The following KLHL4 variants were observed in gnomAD, a reference collection of about 807,000 sequenced individuals.
The protein encoded by KLHL4 is kelch like family member 4, also known as kelch-like protein 4.
Under a neutral mutation model 45.8 loss-of-function variants are expected in KLHL4, and 17 were observed. The ratio of observed to expected loss-of-function variants is 0.37; its 90% CI spans 0.25 to 0.56. KLHL4 has a LOEUF of 0.56. Among genes scored for constraint, KLHL4 ranks in the 20% least tolerant of loss-of-function variants. The probability of loss-of-function intolerance (pLI) is 0.79; values close to 1 mark genes in which losing one functional copy is unlikely to be tolerated. For missense variants in KLHL4, 544 were observed against 544.9 expected (o/e 1.00, Z 0.02); for synonymous variants, 224 against 189.9 (o/e 1.18, Z -1.47).
chrX:87,603,676 CATG>C (rs772330969), intron 1 of KLHL4, among the ~76,000 whole-genome samples: 13 of 110,334 alleles, frequency 1.2e-4, no homozygotes, highest in Middle Eastern at 4.7e-3. Flanking sequence ...CATTATTATG[CATG>C]ATATTTATAT....
chrX:87,627,851 T>C (rs1191773971), intron 6 of KLHL4, among the ~76,000 whole-genome samples: 5 of 111,935 alleles, frequency 4.5e-5, no homozygotes, highest in African/African-American at 1.6e-4. Flanking sequence ...TTGTTTTTTA[T>C]TTTTTATTTT....
At chrX:87,553,238 T>C (rs1931875185) in intron 1 of KLHL4, among the ~76,000 whole-genome samples, 1 of 111,112 alleles carries the variant, frequency 9.0e-6, no homozygotes, top group Non-Finnish European at 1.9e-5. Flanking sequence ...TAGAAATCAA[T>C]ACATTTACAT....
At chrX:87,653,870 A>G (rs761914720) in intron 9 of KLHL4, among the ~76,000 whole-genome samples, 204 of 111,731 alleles carry the variant, frequency 1.8e-3, no homozygotes, top group African/African-American at 6.0e-3. Flanking sequence ...TCAGCAAACT[A>G]ATGCAGGAAC....
rs1214994735 is a variant in KLHL4 at position 87,632,389 on chromosome X, A to G, written c.1504A>G (p.Ile502Val). 1 of 1,210,363 alleles carries G rather than the reference A, an allele frequency of 8.3e-7. No homozygotes were observed. Among genetic ancestry groups the G allele is most frequent in the Admixed American group, 2.2e-5 (1 of 46,000 alleles). Residue 502 changes from isoleucine (I) to valine (V), a missense_variant, in exon 7 of 11, where the codon ATC (isoleucine) becomes GTC (valine). Transcript: ENST00000373119. Reference sequence around the variant, plus strand: ...GGAATGTTTTAATCCAGTTGGCAAAATCTGGACTGTGATGCCTCCCATGTC... The same window carrying G: ...GGAATGTTTTAATCCAGTTGGCAAAGTCTGGACTGTGATGCCTCCCATGTC... Reference protein sequence around the residue: ...TVECFNPVGKIWTVMPPMSTH... With the variant: ...TVECFNPVGKVWTVMPPMSTH...
intron 9 of KLHL4, among the ~76,000 whole-genome samples, chrX:87,643,917 A>G (rs1451541639): frequency 2.7e-5 from 3 of 111,904 alleles, no homozygotes; most frequent in African/African-American, 9.7e-5. Flanking sequence ...AATAAAAACC[A>G]TCTATGACAA....
chrX:87,667,199 A>G lies in KLHL4; in HGVS notation c.*665A>G, dbSNP rs1924399595. On this transcript the variant is annotated 3_prime_UTR_variant, in exon 11 of 11. Transcript: ENST00000373119. ...ACACATATAAATTTGGTATTTCTTA[A>G]CATATTATCTTGTTAGATTTGTTAC... The G allele has an allele frequency of 1.4e-6, 1 of 739,031 alleles. No individual in the cohort carries two copies. The highest frequency in any genetic ancestry group is 1.6e-6 in the Non-Finnish European group (1 of 625,542). The allele number at this position is 739,031 out of a possible 1,213,427, so 60.9% of individuals were successfully genotyped here.
intron 1 of KLHL4, among the ~76,000 whole-genome samples, chrX:87,568,265 T>G (rs757381195): frequency 3.6e-5 from 4 of 109,875 alleles, no homozygotes; most frequent in South Asian, 7.7e-4. Flanking sequence ...TGGAAAGATA[T>G]CCTGTGTTCC....
chrX:87,561,781 C>T (rs1307386001), intron 1 of KLHL4, among the ~76,000 whole-genome samples: 1 of 109,131 alleles, frequency 9.2e-6, no homozygotes, highest in Non-Finnish European at 1.9e-5. Context: ...AAGTAGAGAA[C>T]TTTATCTTGC....
chrX:87,563,400 C>T (rs6652459), intron 1 of KLHL4, among the ~76,000 whole-genome samples: 2,456 of 109,048 alleles, frequency 0.023, 72 homozygotes, highest in African/African-American at 0.078. Flanking sequence ...CAAGATAACA[C>T]AGAGAAGAAA....
chrX:87,618,875 A>G (rs928169646), intron 4 of KLHL4, among the ~76,000 whole-genome samples: 3 of 112,108 alleles, frequency 2.7e-5, no homozygotes, highest in Non-Finnish European at 5.6e-5. Context: ...TTACAGCTCA[A>G]TTCATTAATG....
rs769547655 is a variant in KLHL4 at position 87,566,604 on chromosome X, G to A, written c.423-47273G>A. On this transcript the variant is annotated intron_variant, in intron 1 of 10. Transcript: ENST00000373119. The stretch of plus-strand genomic sequence containing the variant: ...AAATAAAATTGTTTTATGGATACTT[G>A]AAGTACAGTTGCTACTGAATATGTA... Among the ~76,000 whole-genome samples the A allele has an allele frequency of 1.8e-4, 20 of 111,505 alleles. No homozygotes were observed. The South Asian group carries it at 7.5e-3, about 42-fold the overall frequency.
At chrX:87,652,369 A>G (rs1031801813) in intron 9 of KLHL4, among the ~76,000 whole-genome samples, 16 of 112,459 alleles carry the variant, frequency 1.4e-4, no homozygotes, top group Non-Finnish European at 5.6e-5. Flanking sequence ...GAAATTTTCT[A>G]TCACATTGTC....
At chrX:87,590,117 TA>T (rs2147799803) in intron 1 of KLHL4, among the ~76,000 whole-genome samples, 1 of 110,689 alleles carries the variant, frequency 9.0e-6, no homozygotes, top group South Asian at 3.9e-4. Flanking sequence ...TTGTATATTT[TA>T]AAATAACATA....
chrX:87,595,800 A>T (rs1221667820), intron 1 of KLHL4, among the ~76,000 whole-genome samples: 1 of 111,619 alleles, frequency 9.0e-6, no homozygotes, highest in African/African-American at 3.3e-5. Context: ...GGTGAATAAT[A>T]GCTAATTATA....
intron 9 of KLHL4, among the ~76,000 whole-genome samples, chrX:87,647,583 C>A (rs1017399852): frequency 1.1e-4 from 12 of 111,796 alleles, no homozygotes; most frequent in Non-Finnish European, 2.1e-4. Context: ...GCATTCACAG[C>A]AACATGGATG....
intron 1 of KLHL4, among the ~76,000 whole-genome samples, chrX:87,548,932 C>T (rs1931747053): frequency 9.5e-6 from 1 of 105,401 alleles, no homozygotes; most frequent in African/African-American, 3.4e-5. Flanking sequence ...TCAATAATAA[C>T]ATTGAATGTA....
At chrX:87,576,689 C>T (rs1192442123) in intron 1 of KLHL4, among the ~76,000 whole-genome samples, 7 of 111,190 alleles carry the variant, frequency 6.3e-5, no homozygotes, top group African/African-American at 1.3e-4. Flanking sequence ...TATCCTGTTA[C>T]GAAATCTTTA....
chrX:87,637,507 G>C (rs932780281), intron 9 of KLHL4, among the ~76,000 whole-genome samples: 6 of 111,681 alleles, frequency 5.4e-5, no homozygotes, highest in Admixed American at 9.5e-5. Context: ...GCCAGAAAAA[G>C]AATTCAGAAG....
intron 1 of KLHL4, among the ~76,000 whole-genome samples, chrX:87,596,350 G>A (rs372530424): frequency 8.9e-6 from 1 of 111,863 alleles, no homozygotes; most frequent in African/African-American, 3.2e-5. Context: ...CTGGTTATTC[G>A]TAAATGTATG....
Sources: gnomAD v4.1 joint callset for allele counts (sites outside exome capture counted in the v4.1 genomes callset) on GRCh38, gnomAD v4.1.1 for gene constraint, MANE v1.5 for transcripts, NCBI Gene and HGNC (gene_info 2026-07-23, HGNC 2026-07-21) for gene names.